ERICH1: variants seen among roughly 807,000 people sequenced by gnomAD.
ERICH1 encodes the protein glutamate rich 1, also known as glutamate-rich protein 1.
ERICH1 carries 56 observed loss-of-function variants against 39.6 expected under a neutral mutation model. That is an observed-to-expected ratio of 1.41 (90% CI 1.14 to 1.77). The LOEUF is 1.77. Among genes scored for constraint, ERICH1 ranks in the 40% most tolerant of loss-of-function variants. The pLI is 0.00. For missense variants in ERICH1, 826 were observed against 575.4 expected (o/e 1.44, Z -4.45); for synonymous variants, 313 against 223.6 (o/e 1.40, Z -3.57).
intron 5 of ERICH1, among the ~76,000 whole-genome samples, chr8:665,061 T>C (rs1801978630): frequency 6.6e-6 from 1 of 152,008 alleles, no homozygotes; most frequent in Non-Finnish European, 1.5e-5. Context: ...GGTGAGCAAG[T>C]AGAAAAAAGC....
chr8:660,177 C>G (rs1057412148), downstream of ERICH1, among the ~76,000 whole-genome samples: 3 of 150,186 alleles, frequency 2.0e-5, no homozygotes, highest in Non-Finnish European at 2.9e-5. Context: ...CCTTCCCCGA[C>G]TCTCCCCCTG....
intron 3 of ERICH1, among the ~76,000 whole-genome samples, chr8:618,307 T>G (rs1455111861): frequency 6.6e-6 from 1 of 151,728 alleles, no homozygotes; most frequent in Non-Finnish European, 1.5e-5. Context: ...ACCCTCTGAG[T>G]GCTCAGTACT....
intron 5 of ERICH1, chr8:666,132 T>C (rs960707287): frequency 2.0e-5 from 3 of 152,188 alleles, no homozygotes; most frequent in East Asian, 3.9e-4. Flanking sequence ...TGGCTTAACA[T>C]AAATGTCTGT....
intron 2 of ERICH1, among the ~76,000 whole-genome samples, chr8:696,038 C>G (rs1408225570): frequency 4.2e-5 from 1 of 23,668 alleles, no homozygotes; most frequent in Admixed American, 4.1e-4. Flanking sequence ...CCACTCCTCT[C>G]CTTCCTCCCC....
intron 3 of ERICH1, among the ~76,000 whole-genome samples, chr8:677,771 C>T (rs1389398936): frequency 6.6e-6 from 1 of 152,164 alleles, no homozygotes; most frequent in African/African-American, 2.4e-5. Flanking sequence ...AGTAACACAT[C>T]GAGTGTTTTC....
At chr8:621,479 T>A (rs57896286) in intron 3 of ERICH1, among the ~76,000 whole-genome samples, 1 of 151,830 alleles carries the variant, frequency 6.6e-6, no homozygotes, top group African/African-American at 2.4e-5. Flanking sequence ...GTAATTTTTG[T>A]CAACTATATG....
chr8:634,543 G>A (rs942575235), intron 3 of ERICH1, among the ~76,000 whole-genome samples: 1 of 152,220 alleles, frequency 6.6e-6, no homozygotes, highest in Non-Finnish European at 1.5e-5. Context: ...CGTCGGGCGG[G>A]CACCTTCAAC....
chr8:702,315 C>A (rs34140873), intron 2 of ERICH1, among the ~76,000 whole-genome samples: 31,232 of 152,040 alleles, frequency 0.21, 3,804 homozygotes, highest in Middle Eastern at 0.37. Context: ...CTGTATTAAC[C>A]GGGGCCTGGA....
Position 674,004 on chromosome 8 carries a change from C to T in ERICH1, c.348G>A (p.Lys116=), listed in dbSNP as rs913962249. ...HDQPKRRRIR[K]HKSKKKFKNP... ...TTTTAAATTTTTTCTTTGATTTATG[C>T]TTCCTAATTCTTCTTCTCTTTGGCT... The change falls in exon 4 of 6, where the codon AAG becomes AAA. Residue 116 remains lysine, a synonymous_variant. Coordinates refer to ENST00000262109, the MANE Select transcript of ERICH1 (RefSeq NM_207332.3). 2 of 1,573,944 alleles carry T rather than the reference C, an allele frequency of 1.3e-6. No homozygotes were observed. The highest frequency in any genetic ancestry group is 4.0e-5 in the Admixed American group (2 of 50,564).
intron 3 of ERICH1, among the ~76,000 whole-genome samples, chr8:683,025 G>C (rs1308997004): frequency 1.3e-5 from 2 of 152,192 alleles, no homozygotes; most frequent in African/African-American, 4.8e-5. Flanking sequence ...TGCTGAGTGT[G>C]TTGTTTGCCT....
chr8:649,161 T>A lies in ERICH1; in HGVS notation c.976+19437A>T, dbSNP rs542983998. On this transcript the variant is annotated intron_variant, in intron 3 of 3. Coordinates refer to the ERICH1 transcript ENST00000522706. Reference sequence around the variant, plus strand: ...CTGCCTGTACAGACACAGACGCACTTTATTACCTGGATGAATTTAGACATG... The same window carrying A: ...CTGCCTGTACAGACACAGACGCACTATATTACCTGGATGAATTTAGACATG... Among the ~76,000 whole-genome samples the A allele has an allele frequency of 5.8e-5, 4 of 68,782 alleles. 1 individual carries two copies. In the South Asian group the frequency reaches 2.2e-3, roughly 39 times the overall value. The allele number at this position is 68,782 out of a possible 152,430, so 45.1% of individuals were successfully genotyped here.
At chr8:704,068 A>G (rs751101920) in intron 2 of ERICH1, among the ~76,000 whole-genome samples, 1 of 152,198 alleles carries the variant, frequency 6.6e-6, no homozygotes, top group African/African-American at 2.4e-5. Context: ...TCACAGCGAC[A>G]CTGGATGTTA....
chr8:708,681 G>GTTTTTTGTTTTGTTTTTTTTTTTTTTTTT, intron 2 of ERICH1, among the ~76,000 whole-genome samples: 1 of 65,816 alleles, frequency 1.5e-5, no homozygotes. Context: ...GGGATAATGA[G>GTTTTTTGTTTTGTTTTTTTTTTTTTTTTT]TTTTTTTTTT....
chr8:707,188 C>A (rs112561937), intron 2 of ERICH1, among the ~76,000 whole-genome samples: 5,381 of 149,394 alleles, frequency 0.036, 102 homozygotes, highest in African/African-American at 0.043. Context: ...ACATCTGTGG[C>A]CAACTGATTT....
At chr8:627,792 T>A (rs1299410316) in intron 3 of ERICH1, among the ~76,000 whole-genome samples, 1 of 152,114 alleles carries the variant, frequency 6.6e-6, no homozygotes, top group African/African-American at 2.4e-5. Flanking sequence ...GAAGCCTCCA[T>A]CCAACTGTGT....
At chr8:729,182 GC>G (rs1370497293) in intron 1 of ERICH1, among the ~76,000 whole-genome samples, 1 of 152,186 alleles carries the variant, frequency 6.6e-6, no homozygotes, top group Non-Finnish European at 1.5e-5. Flanking sequence ...CAGATGCTCC[GC>G]CAACATCCGG....
At chr8:708,327 C>T (rs1423226960) in intron 2 of ERICH1, among the ~76,000 whole-genome samples, 1 of 152,118 alleles carries the variant, frequency 6.6e-6, no homozygotes, top group African/African-American at 2.4e-5. Flanking sequence ...CCACACCAGG[C>T]CACACAAGAA....
intron 1 of ERICH1, among the ~76,000 whole-genome samples, chr8:724,408 G>A (rs1406484659): frequency 6.6e-6 from 1 of 152,162 alleles, no homozygotes; most frequent in Admixed American, 6.5e-5. Context: ...ATCACGAAGC[G>A]TTCACAAACA....
rs552227819 is a variant in ERICH1 at position 692,975 on chromosome 8, C to T, written c.170-363G>A. Among the ~76,000 whole-genome samples, 11 of 152,286 alleles carry T rather than the reference C, an allele frequency of 7.2e-5. No homozygotes were observed. In the East Asian group the frequency reaches 1.5e-3, roughly 21 times the overall value. On this transcript the variant is annotated intron_variant, in intron 2 of 5. Coordinates refer to ENST00000262109, the MANE Select transcript of ERICH1 (RefSeq NM_207332.3). ...GCACGACACACCCTTTATCATCACACGAGGAGTCCCTGGGGATTTCACTGC... is the reference window on the plus strand; with the variant it reads ...GCACGACACACCCTTTATCATCACATGAGGAGTCCCTGGGGATTTCACTGC...
Sources: allele counts gnomAD v4.1 joint callset (sites outside exome capture counted in the v4.1 genomes callset), GRCh38; gene constraint gnomAD v4.1.1; transcripts MANE v1.5; gene names NCBI Gene and HGNC (gene_info 2026-07-23, HGNC 2026-07-21).